DNAH8: variants seen among roughly 807,000 people sequenced by gnomAD.
DNAH8 encodes the protein axonemal beta dynein heavy chain 8.
Under a neutral mutation model 562.1 loss-of-function variants are expected in DNAH8, and 382 were observed. The ratio of observed to expected loss-of-function variants is 0.68; its 90% CI spans 0.63 to 0.74. The LOEUF is 0.74. Ranked by LOEUF, DNAH8 falls within the 30% of genes least tolerant of loss-of-function variation. DNAH8 has a pLI of 0.00. For synonymous variants in DNAH8, 1,881 were observed against 1,919.4 expected (o/e 0.98, Z 0.52); for missense variants, 5,203 against 5,620.4 (o/e 0.93, Z 2.37).
intron 47 of DNAH8, 118 bp downstream of exon 47, chr6:38,866,994 CT>C: frequency 1.7e-6 from 1 of 602,592 alleles, no homozygotes; most frequent in Non-Finnish European, 2.9e-6. Flanking sequence ...TTCTAAAATG[CT>C]TTTAGAATTA....
intron 8 of DNAH8, among the ~76,000 whole-genome samples, chr6:38,743,293 G>A (rs1463663264): frequency 6.6e-6 from 1 of 152,096 alleles, no homozygotes; most frequent in Non-Finnish European, 1.5e-5. Flanking sequence ...GTAAGTCACT[G>A]TGCCTTGCCC....
chr6:38,852,595 C>T, intron 39 of DNAH8, 99 bp from the exon 40 acceptor site: 1 of 838,880 alleles, frequency 1.2e-6, no homozygotes, highest in Non-Finnish European at 1.9e-6. Flanking sequence ...AAAGTAAATA[C>T]TTAACCTTTT....
At chr6:38,965,500 A>G (rs1356546623) in intron 82 of DNAH8, among the ~76,000 whole-genome samples, 1 of 152,234 alleles carries the variant, frequency 6.6e-6, no homozygotes, top group East Asian at 1.9e-4. Flanking sequence ...TTTAATGTGA[A>G]CATATATTAT....
rs1780357692 is a variant in DNAH8 at position 38,905,130 on chromosome 6, G to T, written c.9195-1124G>T. On this transcript the variant is annotated intron_variant, in intron 62 of 92. Transcript: ENST00000327475. ...GAGAGGATTACTCTGACAGCATCAG[G>T]CCACTAGATCTTTCTGGTTCCAGGG... Among the ~76,000 whole-genome samples the T allele has an allele frequency of 3.3e-5, 5 of 152,096 alleles. No homozygotes were observed. The South Asian group carries it at 1.0e-3, about 32-fold the overall frequency.
At chr6:38,789,322 T>C (rs770155373) in intron 18 of DNAH8, among the ~76,000 whole-genome samples, 1 of 152,136 alleles carries the variant, frequency 6.6e-6, no homozygotes, top group Non-Finnish European at 1.5e-5. Context: ...AATTACAAAA[T>C]AGTAAAAAAT....
chr6:38,770,993 C>A (rs1381841106), intron 12 of DNAH8, among the ~76,000 whole-genome samples: 2 of 152,174 alleles, frequency 1.3e-5, no homozygotes, highest in Non-Finnish European at 2.9e-5. Flanking sequence ...CGGGTGATAT[C>A]TTTTCTGGAC....
intron 66 of DNAH8, 52 bp from the exon 67 acceptor site, chr6:38,913,797 T>G (rs1353723922): frequency 9.1e-6 from 11 of 1,207,094 alleles, no homozygotes; most frequent in Non-Finnish European, 9.6e-6. Context: ...AAATATTTGA[T>G]GAAGGCATAT....
At chr6:38,929,755 G>C in intron 75 of DNAH8, 89 bp downstream of exon 75, 4 of 1,220,026 alleles carry the variant, frequency 3.3e-6, no homozygotes, top group South Asian at 1.8e-5. Flanking sequence ...AGAAAGAAAA[G>C]AACAATGGTG....
rs145520125 is a variant in DNAH8 at position 38,834,625 on chromosome 6, G to A, written c.4349G>A (p.Arg1450Lys). The A allele has an allele frequency of 3.7e-6, 6 of 1,607,338 alleles. No homozygotes were observed. Among genetic ancestry groups the A allele is most frequent in the African/African-American group, 1.3e-5 (1 of 74,638 alleles). ...PNIPPQEASN[R>K]LQIFQASFDD... Reference sequence around the variant, plus strand: ...ATACCACCCCAAGAAGCTAGCAACAGGCTACAGATATTTCAGGTGAAACCA... The same window carrying A: ...ATACCACCCCAAGAAGCTAGCAACAAGCTACAGATATTTCAGGTGAAACCA... Residue 1450 changes from arginine to lysine, a missense_variant, in exon 32 of 93, where the codon AGG becomes AAG. Physicochemically the swap from Arg to Lys is conservative, Grantham distance 26. This residue lies in a region of DNAH8 where 2,176 missense variants were observed against 2,365.1 expected (regional missense o/e 0.92). Transcript: ENST00000327475.
At chr6:38,882,312 A>G (rs558773049) in intron 53 of DNAH8, among the ~76,000 whole-genome samples, 1 of 152,342 alleles carries the variant, frequency 6.6e-6, no homozygotes, top group Admixed American at 6.5e-5. Flanking sequence ...GAATCAACTT[A>G]CATGCCCATC....
At chr6:38,914,872 G>A (rs1264189713) in intron 67 of DNAH8, among the ~76,000 whole-genome samples, 1 of 151,926 alleles carries the variant, frequency 6.6e-6, no homozygotes. Context: ...GGCTTAAAAT[G>A]GTTTTTTGCC....
chr6:38,838,154 C>A, intron 33 of DNAH8, 112 bp downstream of exon 33: 2 of 649,870 alleles, frequency 3.1e-6, no homozygotes, highest in Non-Finnish European at 5.2e-6. Flanking sequence ...CAGCTTGGAG[C>A]ACAACTGAAT....
At position 38,886,846 on chromosome 6, in the gene DNAH8, A is replaced by T; in HGVS notation, c.8315A>T (p.Asp2772Val). 2 of 1,614,114 alleles carry T rather than the reference A, an allele frequency of 1.2e-6. No homozygotes were observed. Among genetic ancestry groups the T allele is most frequent in the Non-Finnish European group, 1.7e-6 (2 of 1,179,966 alleles). The change falls in exon 57 of 93, where the codon GAC (aspartate) becomes GTC (valine). Residue 2772 changes from aspartate to valine, a missense_variant. Asp to Val is a radical substitution (Grantham distance 152, BLOSUM62 -3). Coordinates refer to ENST00000327475, the MANE Select transcript of DNAH8 (RefSeq NM_001206927.2). The stretch of plus-strand genomic sequence containing the variant: ...GAAATGGAAGGAATGTACAGCTTGG[A>T]CAAGCCTGGAGACTTCACTACTATT... ...MMEMEGMYSL[D>V]KPGDFTTIVD...
chr6:38,928,299 A>C (rs949841567), intron 74 of DNAH8: 2 of 152,232 alleles, frequency 1.3e-5, no homozygotes, highest in African/African-American at 4.8e-5. Context: ...AGATGACTGA[A>C]GATAATTATC....
intron 11 of DNAH8, among the ~76,000 whole-genome samples, chr6:38,762,492 T>A (rs1049266748): frequency 2.0e-5 from 3 of 152,236 alleles, no homozygotes; most frequent in African/African-American, 7.2e-5. Flanking sequence ...TGTTTAGGAT[T>A]TTTGGAAGCT....
intron 21 of DNAH8, among the ~76,000 whole-genome samples, chr6:38,795,288 G>A (rs1304323473): frequency 6.6e-6 from 1 of 152,164 alleles, no homozygotes; most frequent in Non-Finnish European, 1.5e-5. Context: ...TAAGACTCAA[G>A]AGTGTAAGTT....
intron 82 of DNAH8, among the ~76,000 whole-genome samples, chr6:38,953,729 C>T (rs1467758460): frequency 6.6e-6 from 1 of 152,074 alleles, no homozygotes; most frequent in Non-Finnish European, 1.5e-5. Context: ...TTACACATAC[C>T]GAACAACATG....
At chr6:38,764,900 T>C (rs1228215172) in intron 11 of DNAH8, among the ~76,000 whole-genome samples, 1 of 152,134 alleles carries the variant, frequency 6.6e-6, no homozygotes, top group African/African-American at 2.4e-5. Context: ...AGTGGCACAG[T>C]CTTGGCTCAC....
chr6:38,728,943 T>C (rs1029955818), intron 3 of DNAH8, among the ~76,000 whole-genome samples: 4 of 152,140 alleles, frequency 2.6e-5, no homozygotes, highest in African/African-American at 9.7e-5. Context: ...TGGTGGCTAA[T>C]ACCTATAATC....
Sources: gnomAD v4.1 joint callset for allele counts (sites outside exome capture counted in the v4.1 genomes callset) on GRCh38, gnomAD v4.1.1 for gene constraint, gnomAD v4.1.1 regional missense constraint, MANE v1.5 for transcripts, NCBI Gene and HGNC (gene_info 2026-07-23, HGNC 2026-07-21) for gene names.